The following ZNF385D variants were observed in gnomAD, a reference collection of about 807,000 sequenced individuals.
ZNF385D encodes zinc finger protein 659.
A neutral mutation model predicts 35.8 loss-of-function variants in ZNF385D; 15 were observed. That is an observed-to-expected ratio of 0.42 (90% CI 0.28 to 0.64). The LOEUF (loss-of-function observed/expected upper bound fraction) is 0.64, where lower values mean the gene tolerates loss of function less well. Among genes scored for constraint, ZNF385D ranks in the 30% least tolerant of loss-of-function variants. The pLI is 0.23. For missense variants in ZNF385D, 474 were observed against 494.6 expected, an observed-to-expected ratio of 0.96 and a Z score of 0.39; for synonymous variants, 212 against 186.8, an observed-to-expected ratio of 1.13 and a Z score of -1.10.
intron 3 of ZNF385D, chr3:21,961,426 A>G (rs1702586112): frequency 6.6e-6 from 1 of 151,814 alleles, no homozygotes; most frequent in South Asian, 2.1e-4. Context: ...GTATTTTGCC[A>G]AAAAAATTGT....
intron 3 of ZNF385D, among the ~76,000 whole-genome samples, chr3:22,093,386 A>G (rs1311770467): frequency 2.0e-5 from 3 of 151,806 alleles, no homozygotes; most frequent in Non-Finnish European, 2.9e-5. Context: ...ATAATTTAAT[A>G]AAAGTGCAAT....
At chr3:22,362,437 T>G (rs1696456242) in intron 2 of ZNF385D, among the ~76,000 whole-genome samples, 2 of 152,078 alleles carry the variant, frequency 1.3e-5, no homozygotes, top group South Asian at 4.1e-4. Flanking sequence ...TGAAAGCAAT[T>G]TTCTAAGGTC....
At chr3:22,365,567 T>A (rs1206425271) in intron 2 of ZNF385D, among the ~76,000 whole-genome samples, 1 of 152,068 alleles carries the variant, frequency 6.6e-6, no homozygotes, top group Non-Finnish European at 1.5e-5. Flanking sequence ...TCTTCTATGG[T>A]ATGAAACAAA....
chr3:21,931,605 G>A (rs1440330210), intron 3 of ZNF385D, among the ~76,000 whole-genome samples: 2 of 152,136 alleles, frequency 1.3e-5, no homozygotes, highest in Non-Finnish European at 2.9e-5. Flanking sequence ...AATATACCAC[G>A]ATATGGAAGC....
At chr3:21,858,968 T>C (rs1032402048) in intron 3 of ZNF385D, among the ~76,000 whole-genome samples, 3 of 152,068 alleles carry the variant, frequency 2.0e-5, no homozygotes, top group Non-Finnish European at 2.9e-5. Context: ...TCAAGATATA[T>C]AGAAACTGAT....
intron 3 of ZNF385D, among the ~76,000 whole-genome samples, chr3:22,003,772 C>G (rs4858374): frequency 6.6e-6 from 1 of 151,754 alleles, no homozygotes; most frequent in Non-Finnish European, 1.5e-5. Context: ...GTGGCTGAGG[C>G]GGGAGAATTG....
intron 4 of ZNF385D, among the ~76,000 whole-genome samples, chr3:21,482,472 T>C (rs750315470): frequency 1.1e-4 from 17 of 152,192 alleles, no homozygotes; most frequent in Non-Finnish European, 7.3e-5. Context: ...AGGCAACCAT[T>C]CCCTAAGTCA....
intron 1 of ZNF385D, among the ~76,000 whole-genome samples, chr3:21,736,039 A>G (rs1047466534): frequency 6.6e-6 from 1 of 152,228 alleles, no homozygotes; most frequent in African/African-American, 2.4e-5. Context: ...GTCTACTCAG[A>G]AAGTCTTGGA....
At chr3:22,041,141 C>T (rs1282676602) in intron 3 of ZNF385D, among the ~76,000 whole-genome samples, 1 of 151,072 alleles carries the variant, frequency 6.6e-6, no homozygotes, top group East Asian at 2.0e-4. Context: ...GGCTCCTGAG[C>T]AAGTTCCTAT....
intron 3 of ZNF385D, among the ~76,000 whole-genome samples, chr3:22,038,347 C>T (rs1449242108): frequency 6.6e-6 from 1 of 152,182 alleles, no homozygotes; most frequent in South Asian, 2.1e-4. Flanking sequence ...GCTTAGAATA[C>T]TGGCTTTCTC....
intron 3 of ZNF385D, among the ~76,000 whole-genome samples, chr3:21,898,785 A>T (rs753965571): frequency 6.6e-6 from 1 of 152,142 alleles, no homozygotes; most frequent in African/African-American, 2.4e-5. Context: ...CTTTCCCCTG[A>T]TAAAGCAAAG....
chr3:22,113,873 G>C (rs1440862132), intron 3 of ZNF385D, among the ~76,000 whole-genome samples: 1 of 151,954 alleles, frequency 6.6e-6, no homozygotes, highest in Non-Finnish European at 1.5e-5. Flanking sequence ...CAGAATTACA[G>C]CTCATTTTTC....
chr3:21,639,742 A>C (rs2065547026), intron 2 of ZNF385D, among the ~76,000 whole-genome samples: 1 of 152,024 alleles, frequency 6.6e-6, no homozygotes, highest in South Asian at 2.1e-4. Context: ...TTCACATAAA[A>C]ACCAATTGTG....
intron 2 of ZNF385D, among the ~76,000 whole-genome samples, chr3:22,296,734 C>T: frequency 6.6e-6 from 1 of 152,082 alleles, no homozygotes; most frequent in Admixed American, 6.6e-5. Context: ...ATAGAAACCT[C>T]CATGTGGCCT....
chr3:21,947,590 A>T (rs1694017), intron 3 of ZNF385D, among the ~76,000 whole-genome samples: 131,533 of 152,122 alleles, frequency 0.86, 57,070 homozygotes, highest in East Asian at 0.98. Flanking sequence ...GACCTCACGA[A>T]CCGCCCACAT....
At chr3:22,281,893 G>T (rs2125381908) in intron 2 of ZNF385D, among the ~76,000 whole-genome samples, 1 of 151,876 alleles carries the variant, frequency 6.6e-6, no homozygotes, top group Non-Finnish European at 1.5e-5. Context: ...GGTGGTGGTG[G>T]TAACTTTTTA....
At chr3:21,936,047 A>C (rs1454092209) in intron 3 of ZNF385D, among the ~76,000 whole-genome samples, 2 of 152,104 alleles carry the variant, frequency 1.3e-5, no homozygotes, top group Non-Finnish European at 2.9e-5. Context: ...AAAGGTGCTG[A>C]ATGAATTGGA....
chr3:21,454,599 A>C (rs568535936), intron 4 of ZNF385D, among the ~76,000 whole-genome samples: 1 of 152,260 alleles, frequency 6.6e-6, no homozygotes, highest in East Asian at 1.9e-4. Context: ...TCAAAATAAT[A>C]AGAGCTATTT....
At chr3:21,565,818 TGA>T (rs973349395) in intron 2 of ZNF385D, among the ~76,000 whole-genome samples, 10 of 152,216 alleles carry the variant, frequency 6.6e-5, no homozygotes, top group Admixed American at 5.9e-4. Context: ...CATAATAGAT[TGA>T]GATAGATCAG....
Sources: allele counts gnomAD v4.1 joint callset (sites outside exome capture counted in the v4.1 genomes callset), GRCh38; gene constraint gnomAD v4.1.1; transcripts MANE v1.5; gene names NCBI Gene and HGNC (gene_info 2026-07-23, HGNC 2026-07-21).